KHDRBS2: variants seen among roughly 807,000 people sequenced by gnomAD.
KHDRBS2 encodes KH RNA binding domain containing, signal transduction associated 2.
A neutral mutation model predicts 44.3 loss-of-function variants in KHDRBS2; 26 were observed. That is an observed-to-expected ratio of 0.59 (90% CI 0.43 to 0.81). The LOEUF (loss-of-function observed/expected upper bound fraction) is 0.81, where lower values mean the gene tolerates loss of function less well. KHDRBS2 is among the 40% of genes least tolerant of loss of function. The pLI is 0.00. For missense variants in KHDRBS2, 476 were observed against 433.1 expected (o/e 1.10, Z -0.88); for synonymous variants, 194 against 151.1 (o/e 1.28, Z -2.08).
At chr6:61,983,756 T>C (rs946791939) in intron 3 of KHDRBS2, among the ~76,000 whole-genome samples, 11 of 152,122 alleles carry the variant, frequency 7.2e-5, no homozygotes, top group Non-Finnish European at 1.5e-5. Context: ...TCAGGACTTG[T>C]TTTGCAAACA....
chr6:61,859,237 GA>G (rs1484962515), intron 6 of KHDRBS2, among the ~76,000 whole-genome samples: 1 of 151,826 alleles, frequency 6.6e-6, no homozygotes, highest in African/African-American at 2.4e-5. Context: ...TTTTTCCTCA[GA>G]GTCTCTACTT....
At chr6:61,597,755 T>TATATATATATATAG in the KHDRBS2 span, among the ~76,000 whole-genome samples, 1 of 54,394 alleles carries the variant, frequency 1.8e-5, no homozygotes, top group African/African-American at 8.7e-5. Flanking sequence ...TATATATATA[T>TATATATATATATAG]ATACATATAT....
intron 6 of KHDRBS2, among the ~76,000 whole-genome samples, chr6:61,788,863 T>A (rs552306609): frequency 1.3e-5 from 2 of 151,072 alleles, no homozygotes; most frequent in Admixed American, 6.6e-5. Flanking sequence ...CTATACAAAA[T>A]TTTCCAATAA....
At chr6:61,697,377 C>A in intron 7 of KHDRBS2, 124 bp from the exon 8 acceptor site, 1 of 681,792 alleles carries the variant, frequency 1.5e-6, no homozygotes, top group Non-Finnish European at 2.7e-6. Flanking sequence ...AGGCATAAAA[C>A]ACAATCCTAA....
chr6:61,870,323 G>A (rs561930988), intron 6 of KHDRBS2, among the ~76,000 whole-genome samples: 1 of 152,262 alleles, frequency 6.6e-6, no homozygotes, highest in East Asian at 1.9e-4. Flanking sequence ...AGGCTGCTGT[G>A]GCCAGACTAC....
chr6:61,645,255 T>C, the KHDRBS2 span, among the ~76,000 whole-genome samples: 1 of 151,896 alleles, frequency 6.6e-6, no homozygotes, highest in African/African-American at 2.4e-5. Context: ...AAGTGGTAGC[T>C]AAATAATGAG....
chr6:62,168,033 TC>T (rs745761460), intron 2 of KHDRBS2, among the ~76,000 whole-genome samples: 64 of 152,126 alleles, frequency 4.2e-4, no homozygotes, highest in Admixed American at 7.9e-4. Flanking sequence ...TGAGACTTCT[TC>T]CAACCAAGCA....
chr6:62,022,227 TTTAAA>T (rs1209027701), intron 3 of KHDRBS2, among the ~76,000 whole-genome samples: 3 of 151,640 alleles, frequency 2.0e-5, no homozygotes, highest in Non-Finnish European at 4.4e-5. Flanking sequence ...ATTAAAAATG[TTTAAA>T]TAAAGAAGTA....
At chr6:62,067,281 G>A (rs1161892437) in intron 2 of KHDRBS2, among the ~76,000 whole-genome samples, 7 of 151,388 alleles carry the variant, frequency 4.6e-5, no homozygotes, top group Middle Eastern at 3.2e-3. Flanking sequence ...CCCACTTAGC[G>A]GTATTAGAAA....
chr6:61,587,103 C>A, the KHDRBS2 span, among the ~76,000 whole-genome samples: 4 of 152,284 alleles, frequency 2.6e-5, no homozygotes, highest in East Asian at 3.9e-4. Context: ...CCTACTCCCC[C>A]ACCAACACTC....
the KHDRBS2 span, among the ~76,000 whole-genome samples, chr6:61,590,592 A>C: frequency 9.8e-5 from 15 of 152,320 alleles, no homozygotes; most frequent in Admixed American, 7.8e-4. Flanking sequence ...TGTTTCTCAC[A>C]GTAGGACTTC....
the KHDRBS2 span, among the ~76,000 whole-genome samples, chr6:61,606,164 C>T: frequency 1.3e-5 from 2 of 152,318 alleles, no homozygotes; most frequent in East Asian, 3.9e-4. Context: ...CCCCTATCTC[C>T]CTTCGCTGAG....
At chr6:62,225,531 ATTTTAC>A (rs1419672266) in intron 1 of KHDRBS2, among the ~76,000 whole-genome samples, 1 of 152,142 alleles carries the variant, frequency 6.6e-6, no homozygotes, top group Non-Finnish European at 1.5e-5. Flanking sequence ...TATATATTTT[ATTTTAC>A]TTTAAGTCCC....
the KHDRBS2 span, among the ~76,000 whole-genome samples, chr6:61,561,630 C>A: frequency 2.0e-5 from 3 of 152,148 alleles, no homozygotes; most frequent in African/African-American, 2.4e-5. Context: ...GTCACCCCCA[C>A]AACAGACACA....
At chr6:62,148,213 T>C (rs896239854) in intron 2 of KHDRBS2, among the ~76,000 whole-genome samples, 1 of 152,000 alleles carries the variant, frequency 6.6e-6, no homozygotes, top group Admixed American at 6.6e-5. Context: ...CAAAGTCTAT[T>C]CTCTGACCAT....
intron 4 of KHDRBS2, among the ~76,000 whole-genome samples, chr6:61,911,139 T>C (rs1471057363): frequency 1.3e-5 from 2 of 152,138 alleles, no homozygotes; most frequent in Non-Finnish European, 2.9e-5. Flanking sequence ...TGATAGGATA[T>C]AGGTCCCGTG....
At chr6:61,972,658 T>G (rs1334223602) in intron 4 of KHDRBS2, among the ~76,000 whole-genome samples, 1 of 152,184 alleles carries the variant, frequency 6.6e-6, no homozygotes, top group Non-Finnish European at 1.5e-5. Context: ...GCATTGAACT[T>G]TGTTTTTAAA....
intron 2 of KHDRBS2, among the ~76,000 whole-genome samples, chr6:62,142,459 C>T (rs1295965345): frequency 3.3e-5 from 5 of 152,038 alleles, no homozygotes; most frequent in African/African-American, 9.7e-5. Context: ...ACATGATTAG[C>T]TCTTCTAAGT....
intron 6 of KHDRBS2, among the ~76,000 whole-genome samples, chr6:61,760,183 A>G (rs1350803711): frequency 1.3e-5 from 2 of 152,250 alleles, no homozygotes; most frequent in African/African-American, 2.4e-5. Flanking sequence ...AGGGAAGATA[A>G]ACTCAATAAA....
Sources: allele counts gnomAD v4.1 joint callset (sites outside exome capture counted in the v4.1 genomes callset), GRCh38; gene constraint gnomAD v4.1.1; transcripts MANE v1.5; gene names NCBI Gene and HGNC (gene_info 2026-07-23, HGNC 2026-07-21).